The following DOCK7 variants were observed in gnomAD, a reference collection of about 807,000 sequenced individuals.
The protein encoded by DOCK7 is dedicator of cytokinesis 7, also known as dedicator of cytokinesis protein 7.
In DOCK7, 138 loss-of-function variants were observed where a neutral mutation model predicts 271.0. The ratio of observed to expected loss-of-function variants is 0.51; its 90% CI spans 0.44 to 0.59. The LOEUF (loss-of-function observed/expected upper bound fraction) is 0.59, where lower values mean the gene tolerates loss of function less well. DOCK7 is among the 20% of genes least tolerant of loss of function. The pLI, the probability that DOCK7 is intolerant of heterozygous loss-of-function variation, is 0.00. For missense variants in DOCK7, 2,066 were observed against 2,592.4 expected (o/e 0.80, Z 4.41); for synonymous variants, 823 against 876.1 (o/e 0.94, Z 1.07).
intron 22 of DOCK7, among the ~76,000 whole-genome samples, chr1:62,546,829 A>G (rs2149407831): frequency 6.6e-6 from 1 of 152,226 alleles, no homozygotes; most frequent in African/African-American, 2.4e-5. Flanking sequence ...TTTTCATAGA[A>G]GTTAAAATAA....
chr1:62,592,656 A>G (rs898957500), intron 14 of DOCK7, among the ~76,000 whole-genome samples: 9 of 152,226 alleles, frequency 5.9e-5, no homozygotes, highest in African/African-American at 2.2e-4. Flanking sequence ...AATTATGTAC[A>G]TAACCAGATG....
chr1:62,643,514 A>G (rs1656287572), intron 7 of DOCK7, among the ~76,000 whole-genome samples: 1 of 152,190 alleles, frequency 6.6e-6, no homozygotes, highest in African/African-American at 2.4e-5. Context: ...TTCTTTGCAT[A>G]GGATCTCTTT....
chr1:62,638,265 C>G (rs1441543836), intron 7 of DOCK7: 1 of 152,054 alleles, frequency 6.6e-6, no homozygotes, highest in Non-Finnish European at 1.5e-5. Context: ...TATGATTTAT[C>G]TTCTCTTGCG....
chr1:62,602,945 G>A (rs1194784454), intron 14 of DOCK7, among the ~76,000 whole-genome samples: 1 of 151,564 alleles, frequency 6.6e-6, no homozygotes, highest in African/African-American at 2.4e-5. Context: ...AATAACAGAT[G>A]TTTAAAATCC....
chr1:62,500,913 T>C (rs902562972), intron 37 of DOCK7, among the ~76,000 whole-genome samples: 3 of 152,182 alleles, frequency 2.0e-5, no homozygotes, highest in Non-Finnish European at 4.4e-5. Context: ...GGTTACTGCC[T>C]GTAATCCCAA....
chr1:62,670,210 A>G (rs1184390811), intron 1 of DOCK7, among the ~76,000 whole-genome samples: 2 of 152,126 alleles, frequency 1.3e-5, no homozygotes, highest in African/African-American at 2.4e-5. Context: ...AGCCTCCCCG[A>G]CGAGCGCCAC....
At chr1:62,620,393 C>A (rs1175142151) in intron 12 of DOCK7, among the ~76,000 whole-genome samples, 1 of 151,390 alleles carries the variant, frequency 6.6e-6, no homozygotes, top group Non-Finnish European at 1.5e-5. Context: ...AGTAAGCATG[C>A]CCTTATGCCT....
rs1374782307 is a variant in DOCK7, at chr1:62,487,411, C to T, written c.5495G>A (p.Ser1832Asn). Residue 1832 changes from serine to asparagine, a missense_variant and splice_region_variant, in exon 43 of 50, where the codon AGT becomes AAT. Ser to Asn is a conservative substitution (Grantham distance 46). This residue lies in a region of DOCK7 where 652 missense variants were observed against 922.1 expected (regional missense o/e 0.71). Transcript: ENST00000635253. ...AACATTACCTACCTCCCAGCCAGTA[C>T]TCTGTATAATAAAAAGTAAAAAAGG... ...QEAFSKIVHQSTGWERMFGTY... is the reference protein window; with the variant it reads ...QEAFSKIVHQNTGWERMFGTY... 3 of 1,610,992 alleles carry T rather than the reference C, an allele frequency of 1.9e-6. No homozygotes were observed. The highest frequency in any genetic ancestry group is 2.2e-5 in the East Asian group (1 of 44,784).
rs756259590 is a variant in DOCK7 at position 62,578,972 on chromosome 1, T to C, written c.1872-6A>G. On this transcript the variant is annotated splice_region_variant and splice_polypyrimidine_tract_variant and intron_variant, in intron 16 of 49. Transcript: ENST00000635253. ...CTTCATGAAAATCAGGAGACCTTCA[T>C]ACAAAAAAAAAAAAAAATCAACAGT... is the stretch of plus-strand genomic sequence containing the variant. The C allele has an allele frequency of 6.9e-7, 1 of 1,452,098 alleles. No individual in the cohort carries two copies. The highest frequency in any genetic ancestry group is 9.0e-7 in the Non-Finnish European group (1 of 1,106,538). The allele number at this position is 1,452,098 out of a possible 1,614,324, so 90.0% of individuals were successfully genotyped here. A position where few individuals can be genotyped will look rare whatever the true frequency, so the allele number is the denominator to read the frequency against.
chr1:62,648,631 G>A lies in DOCK7; in HGVS notation c.390-87C>T, dbSNP rs562652695. 438 of 678,750 alleles carry A rather than the reference G, an allele frequency of 6.5e-4. 2 individuals carry two copies. In the African/African-American group the frequency reaches 7.6e-3, roughly 12 times the overall value. The allele number at this position is 678,750 out of a possible 1,614,324, so 42.0% of individuals were successfully genotyped here. ...TGGGCATCATTATGTAATAAGCCAA[G>A]TGTTTTCTGCATTATTTCTTTATGT... On this transcript the variant is annotated intron_variant, in intron 4 of 49. Transcript: ENST00000635253.
At chr1:62,568,746 C>T (rs1487932246) in intron 18 of DOCK7, among the ~76,000 whole-genome samples, 1 of 148,672 alleles carries the variant, frequency 6.7e-6, no homozygotes, top group African/African-American at 2.5e-5. Context: ...AAGATCAGAG[C>T]AGAAGTGAAG....
intron 22 of DOCK7, among the ~76,000 whole-genome samples, chr1:62,547,740 A>T (rs1302812927): frequency 6.6e-6 from 1 of 152,224 alleles, no homozygotes; most frequent in East Asian, 1.9e-4. Context: ...ACTAGAATTA[A>T]GAAAGCACAG....
chr1:62,684,172 C>T (rs769871755), intron 1 of DOCK7, among the ~76,000 whole-genome samples: 38 of 151,334 alleles, frequency 2.5e-4, no homozygotes, highest in Non-Finnish European at 5.3e-4. Flanking sequence ...CCGATTGCGC[C>T]ACTTCACTCC....
At chr1:62,545,185 T>C (rs1220476790) in intron 22 of DOCK7, 146 bp from the exon 23 acceptor site, 1 of 593,660 alleles carries the variant, frequency 1.7e-6, no homozygotes, top group Non-Finnish European at 2.9e-6. Flanking sequence ...TAGGCACCTA[T>C]AGAGTATTAG....
chr1:62,681,767 A>C (rs889663929), intron 1 of DOCK7, among the ~76,000 whole-genome samples: 1 of 152,178 alleles, frequency 6.6e-6, no homozygotes, highest in African/African-American at 2.4e-5. Flanking sequence ...AATACTACAA[A>C]GCAATGAAAA....
At chr1:62,460,604 AACACACAC>A (rs57641890) in intron 48 of DOCK7, among the ~76,000 whole-genome samples, 19,389 of 148,842 alleles carry the variant, frequency 0.13, 1,406 homozygotes, top group South Asian at 0.25. Context: ...CAATGTATTG[AACACACAC>A]ACACACACAC....
At chr1:62,504,532 C>CA in intron 37 of DOCK7, 98 bp downstream of exon 37, 1 of 1,297,144 alleles carries the variant, frequency 7.7e-7, no homozygotes, top group South Asian at 1.5e-5. Context: ...TAAAAATATA[C>CA]AAAAAACTCC....
At chr1:62,610,437 T>C (rs945506425) in intron 14 of DOCK7, among the ~76,000 whole-genome samples, 2 of 152,070 alleles carry the variant, frequency 1.3e-5, no homozygotes, top group Non-Finnish European at 2.9e-5. Flanking sequence ...ATATAAGATT[T>C]TGTCATTAAT....
intron 14 of DOCK7, chr1:62,602,448 GGACC>G: frequency 1.4e-6 from 2 of 1,388,200 alleles, no homozygotes; most frequent in South Asian, 2.3e-5. Context: ...AACCTCTTAT[GGACC>G]AGGTATTAGG....
Sources: gnomAD v4.1 joint callset for allele counts (sites outside exome capture counted in the v4.1 genomes callset) on GRCh38, gnomAD v4.1.1 for gene constraint, gnomAD v4.1.1 regional missense constraint, MANE v1.5 for transcripts, NCBI Gene and HGNC (gene_info 2026-07-23, HGNC 2026-07-21) for gene names.